The following ZNF69 variants were observed in gnomAD, a reference collection of about 807,000 sequenced individuals.
ZNF69 encodes the protein zinc finger protein 69, also known as ZNF3.
A neutral mutation model predicts 50.9 loss-of-function variants in ZNF69; 47 were observed. The observed-to-expected ratio is 0.92, with a 90% CI of 0.73 to 1.18. ZNF69 has a LOEUF of 1.18. Ranked by LOEUF, ZNF69 falls within the 50% of genes most tolerant of loss-of-function variation. The pLI, the probability that ZNF69 is intolerant of heterozygous loss-of-function variation, is 0.00. For missense variants in ZNF69, 717 were observed against 675.1 expected (o/e 1.06, Z -0.69); for synonymous variants, 216 against 223.1 (o/e 0.97, Z 0.29).
chr19:11,935,372 G>C, the ZNF69 span, among the ~76,000 whole-genome samples: 1 of 151,312 alleles, frequency 6.6e-6, no homozygotes, highest in Non-Finnish European at 1.5e-5. Flanking sequence ...GAGTAGGTGG[G>C]ATTATAGGCT....
chr19:11,978,267 G>A, the ZNF69 span: 1 of 1,614,038 alleles, frequency 6.2e-7, no homozygotes, highest in Non-Finnish European at 8.5e-7. Flanking sequence ...TGGAGAAGTT[G>A]GCATAGGTAA....
Position 11,887,869 on chromosome 19 carries a change from C to G in ZNF69, c.-55C>G, listed in dbSNP as rs1976984367. 6.4e-7 allele frequency: 1 copy of G among 1,550,790 alleles called. No homozygotes were observed. Among genetic ancestry groups the G allele is most frequent in the Admixed American group, 1.7e-5 (1 of 58,400 alleles). Reference sequence around the variant, plus strand: ...GCGGCTGGGATCCGGTCTTTCCAGCCCCGAGAGGGACCTGGTTCCTCTGCC... The same window carrying G: ...GCGGCTGGGATCCGGTCTTTCCAGCGCCGAGAGGGACCTGGTTCCTCTGCC... On this transcript the variant is annotated 5_prime_UTR_variant, in exon 1 of 4. Coordinates refer to ENST00000429654, the MANE Select transcript of ZNF69 (RefSeq NM_001364730.1).
chr19:11,965,299 T>C, the ZNF69 span: 1 of 1,575,062 alleles, frequency 6.3e-7, no homozygotes, highest in Non-Finnish European at 8.7e-7. Context: ...CGGGCCTCCC[T>C]GCGGGCGACT....
At chr19:11,964,655 C>T in the ZNF69 span, among the ~76,000 whole-genome samples, 1 of 152,172 alleles carries the variant, frequency 6.6e-6, no homozygotes, top group Non-Finnish European at 1.5e-5. Flanking sequence ...CGTGCCTGGC[C>T]TGGTCTCGGT....
chr19:11,949,555 A>G, the ZNF69 span: 6 of 1,611,484 alleles, frequency 3.7e-6, no homozygotes, highest in Admixed American at 1.0e-4. Flanking sequence ...TTATAAATGT[A>G]GTATATGTGA....
the ZNF69 span, chr19:11,947,073 A>T: frequency 6.7e-7 from 1 of 1,489,102 alleles, no homozygotes; most frequent in Non-Finnish European, 9.0e-7. Flanking sequence ...GAAGCAGGGA[A>T]TAAATGTTTG....
chr19:11,961,462 A>G, the ZNF69 span, among the ~76,000 whole-genome samples: 2 of 152,170 alleles, frequency 1.3e-5, no homozygotes, highest in Non-Finnish European at 2.9e-5. Context: ...CACATTAACC[A>G]TATACTGTCA....
chr19:11,934,929 C>T, the ZNF69 span, among the ~76,000 whole-genome samples: 1 of 147,306 alleles, frequency 6.8e-6, no homozygotes, highest in Non-Finnish European at 1.5e-5. Context: ...GCCTGTAATC[C>T]CAGCACTTTG....
chr19:11,911,416 A>G (rs898764914), downstream of ZNF69, among the ~76,000 whole-genome samples: 3 of 152,226 alleles, frequency 2.0e-5, no homozygotes, highest in African/African-American at 7.2e-5. Context: ...AAGACTTGGA[A>G]CCAAACCAAA....
chr19:11,947,030 A>G, the ZNF69 span: 1 of 1,277,834 alleles, frequency 7.8e-7, no homozygotes, highest in African/African-American at 1.5e-5. Flanking sequence ...GGAAGAAAGT[A>G]AGTATAGATG....
the ZNF69 span, among the ~76,000 whole-genome samples, chr19:11,951,289 C>T: frequency 2.7e-5 from 4 of 145,786 alleles, no homozygotes; most frequent in South Asian, 4.3e-4. Context: ...AGTGCAGTGG[C>T]GCAGTCTCAG....
chr19:11,925,052 G>A, the ZNF69 span: 1 of 700,800 alleles, frequency 1.4e-6, no homozygotes, highest in Non-Finnish European at 2.4e-6. Flanking sequence ...TCCAATCAGA[G>A]GTGCTGGGGC....
the ZNF69 span, among the ~76,000 whole-genome samples, chr19:11,970,178 T>G: frequency 6.6e-6 from 1 of 152,222 alleles, no homozygotes; most frequent in Non-Finnish European, 1.5e-5. Context: ...CAATCGGATG[T>G]TGCTAATGAG....
the ZNF69 span, among the ~76,000 whole-genome samples, chr19:11,932,482 T>C: frequency 6.7e-6 from 1 of 148,410 alleles, no homozygotes; most frequent in Non-Finnish European, 1.5e-5. Flanking sequence ...ATGCACAAAA[T>C]ACATAAAAGA....
At chr19:11,934,970 G>GGAA in the ZNF69 span, among the ~76,000 whole-genome samples, 1 of 146,948 alleles carries the variant, frequency 6.8e-6, no homozygotes. Context: ...CAGGAGGTCA[G>GGAA]ATCAAGACCA....
chr19:11,958,866 C>T, the ZNF69 span, among the ~76,000 whole-genome samples: 6 of 152,042 alleles, frequency 3.9e-5, no homozygotes, highest in Admixed American at 6.6e-5. Context: ...ATCATTCATT[C>T]GTTTGTTTGC....
chr19:11,975,523 G>A, the ZNF69 span, among the ~76,000 whole-genome samples: 4 of 151,838 alleles, frequency 2.6e-5, no homozygotes, highest in African/African-American at 9.7e-5. Flanking sequence ...TCAGCCTCCC[G>A]AGTAGCTGAG....
At chr19:11,948,240 A>T in the ZNF69 span, 58 of 1,595,326 alleles carry the variant, frequency 3.6e-5, no homozygotes, top group Non-Finnish European at 4.7e-5. Flanking sequence ...GTACTTGTAA[A>T]CAAACCCTTC....
At chr19:11,974,096 T>A in the ZNF69 span, among the ~76,000 whole-genome samples, 286 of 92,690 alleles carry the variant, frequency 3.1e-3, 2 homozygotes, top group African/African-American at 0.012. Context: ...TTTCTTTCTT[T>A]CTTTCTTTCT....
Sources: allele counts gnomAD v4.1 joint callset (sites outside exome capture counted in the v4.1 genomes callset), GRCh38; gene constraint gnomAD v4.1.1; transcripts MANE v1.5; gene names NCBI Gene and HGNC (gene_info 2026-07-23, HGNC 2026-07-21).